Variants in DLG5 observed in about 807,000 individuals in gnomAD.
The protein encoded by DLG5 is discs large MAGUK scaffold protein 5, also known as disks large homolog 5.
Under a neutral mutation model 189.8 loss-of-function variants are expected in DLG5, and 48 were observed. The observed-to-expected ratio is 0.25, with a 90% CI of 0.20 to 0.32. The LOEUF (loss-of-function observed/expected upper bound fraction) is 0.32, where lower values mean the gene tolerates loss of function less well. Among genes scored for constraint, DLG5 ranks in the 10% least tolerant of loss-of-function variants. The probability of loss-of-function intolerance (pLI) is 1.00; values close to 1 mark genes in which losing one functional copy is unlikely to be tolerated. For synonymous variants in DLG5, 1,016 were observed against 1,054.1 expected (o/e 0.96, Z 0.70); for missense variants, 2,160 against 2,544.7 (o/e 0.85, Z 3.25).
chr10:77,871,222 C>T (rs1242796385), intron 1 of DLG5, among the ~76,000 whole-genome samples: 1 of 152,076 alleles, frequency 6.6e-6, no homozygotes, highest in Non-Finnish European at 1.5e-5. Context: ...CGGGTGGATG[C>T]TGGAGAAAGC....
intron 14 of DLG5, among the ~76,000 whole-genome samples, chr10:77,822,349 T>C (rs1842412346): frequency 6.6e-6 from 1 of 152,166 alleles, no homozygotes; most frequent in Admixed American, 6.5e-5. Context: ...TTTGAACACT[T>C]TCTGAAATTA....
intron 20 of DLG5, chr10:77,815,884 A>G (rs1360258406): frequency 1.9e-5 from 6 of 316,550 alleles, no homozygotes; most frequent in African/African-American, 4.3e-5. Context: ...ACAGAGAGGG[A>G]TGTGTGTGCA....
chr10:77,823,861 C>T (rs1441746191), intron 14 of DLG5, among the ~76,000 whole-genome samples: 2 of 150,988 alleles, frequency 1.3e-5, no homozygotes, highest in African/African-American at 4.9e-5. Context: ...CTCACTTTGT[C>T]ACCCAGGCTG....
chr10:77,872,082 G>A (rs980517095), intron 1 of DLG5, among the ~76,000 whole-genome samples: 71 of 152,270 alleles, frequency 4.7e-4, no homozygotes, highest in African/African-American at 1.7e-3. Context: ...TTTGGAAGAC[G>A]TCTACTCAGG....
chr10:77,874,239 G>A (rs1000110622), intron 1 of DLG5, among the ~76,000 whole-genome samples: 14 of 152,248 alleles, frequency 9.2e-5, no homozygotes, highest in African/African-American at 2.9e-4. Context: ...CAGCACAGCT[G>A]GGGCCAAACT....
chr10:77,915,754 G>A (rs1269408530), intron 1 of DLG5, among the ~76,000 whole-genome samples: 7 of 152,168 alleles, frequency 4.6e-5, no homozygotes, highest in South Asian at 2.1e-4. Context: ...TTGTTATCCC[G>A]GATTTGAGAC....
intron 2 of DLG5, among the ~76,000 whole-genome samples, chr10:77,863,558 C>G (rs1480051581): frequency 1.3e-5 from 2 of 152,120 alleles, no homozygotes; most frequent in Non-Finnish European, 2.9e-5. Flanking sequence ...TAACATAAAG[C>G]TGGGTTGTCA....
intron 6 of DLG5, 93 bp from the exon 7 acceptor site, chr10:77,842,286 T>G (rs1196272212): frequency 6.9e-7 from 1 of 1,448,466 alleles, no homozygotes; most frequent in Non-Finnish European, 9.3e-7. Context: ...TCTACTGTGC[T>G]GGACAGTCAA....
At chr10:77,917,937 G>C (rs1316319912) in intron 1 of DLG5, among the ~76,000 whole-genome samples, 1 of 151,294 alleles carries the variant, frequency 6.6e-6, no homozygotes, top group Admixed American at 6.6e-5. Flanking sequence ...TGAGGCAGGA[G>C]AACCCAGGAG....
chr10:77,855,373 C>T lies in DLG5; in HGVS notation c.537-1003G>A, dbSNP rs76118399. On this transcript the variant is annotated intron_variant, in intron 3 of 31. Transcript: ENST00000372391. ...AGGCAATGATCTGTGCATTAACAAG[C>T]TCTGTGGATGATTCTGGTGCATGCT... Among the ~76,000 whole-genome samples, 574 of 152,350 alleles carry T rather than the reference C, an allele frequency of 3.8e-3. 3 individuals carry two copies. Among genetic ancestry groups the T allele is most frequent in the Non-Finnish European group, 6.5e-3 (441 of 68,032 alleles).
chr10:77,940,165 T>TTAGGGGAA, the DLG5 span, among the ~76,000 whole-genome samples: 1 of 152,272 alleles, frequency 6.6e-6, no homozygotes, highest in African/African-American at 2.4e-5. Context: ...CCCTAACCAG[T>TTAGGGGAA]CACATAGGAT....
At chr10:77,855,971 T>C (rs1844210480) in intron 3 of DLG5, among the ~76,000 whole-genome samples, 4 of 152,292 alleles carry the variant, frequency 2.6e-5, no homozygotes, top group Non-Finnish European at 5.9e-5. Flanking sequence ...CCCTGGTATC[T>C]ACCTCTAAAT....
At chr10:77,875,898 C>T (rs1027417630) in intron 1 of DLG5, among the ~76,000 whole-genome samples, 1 of 151,966 alleles carries the variant, frequency 6.6e-6, no homozygotes, top group South Asian at 2.1e-4. Flanking sequence ...TTTAAAAGCA[C>T]GGCCCAAGGC....
At chr10:77,835,097 C>T (rs80264387) in intron 8 of DLG5, among the ~76,000 whole-genome samples, 7,506 of 152,182 alleles carry the variant, frequency 0.049, 322 homozygotes, top group East Asian at 0.25. Context: ...CTGGGAATCT[C>T]GCCAGCCTGC....
chr10:77,830,496 T>C (rs1302069451), intron 10 of DLG5, 152 bp from the exon 11 acceptor site: 4 of 1,316,572 alleles, frequency 3.0e-6, no homozygotes, highest in Non-Finnish European at 4.2e-6. Context: ...AACCTATGAG[T>C]ATCTGCAACC....
At chr10:77,868,276 TTAAC>T (rs1169294757) in intron 2 of DLG5, 1 of 368,420 alleles carries the variant, frequency 2.7e-6, no homozygotes, top group African/African-American at 2.1e-5. Context: ...AGCTACTTAT[TTAAC>T]TGTTTCCCAC....
chr10:77,806,103 A>G, intron 26 of DLG5: 1 of 471,744 alleles, frequency 2.1e-6, no homozygotes, highest in Non-Finnish European at 3.7e-6. Flanking sequence ...CTACTACAGC[A>G]TATTCAGCTC....
chr10:77,889,294 A>G (rs1298325532), intron 1 of DLG5: 7 of 152,728 alleles, frequency 4.6e-5, no homozygotes, highest in East Asian at 1.9e-4. Context: ...CACTAGGGAA[A>G]AAAAAAAAAA....
intron 1 of DLG5, among the ~76,000 whole-genome samples, chr10:77,872,027 T>C (rs898124592): frequency 6.6e-6 from 1 of 152,190 alleles, no homozygotes; most frequent in Non-Finnish European, 1.5e-5. Context: ...ATTTTTTCTT[T>C]ATGGGGGCAA....
Sources: gnomAD v4.1 joint callset for allele counts (sites outside exome capture counted in the v4.1 genomes callset) on GRCh38, gnomAD v4.1.1 for gene constraint, MANE v1.5 for transcripts, NCBI Gene and HGNC (gene_info 2026-07-23, HGNC 2026-07-21) for gene names.